The following ENTREP2 variants were observed in gnomAD, a reference collection of about 807,000 sequenced individuals.
The protein encoded by ENTREP2 is protein ENTREP2.
At chr15:29,157,858 T>C in the ENTREP2 span, among the ~76,000 whole-genome samples, 1 of 151,942 alleles carries the variant, frequency 6.6e-6, no homozygotes, top group Non-Finnish European at 1.5e-5. Context: ...GCCTCCCGAG[T>C]AGCTGGGATT....
chr15:29,428,556 C>T, the ENTREP2 span, among the ~76,000 whole-genome samples: 4 of 151,536 alleles, frequency 2.6e-5, no homozygotes. Flanking sequence ...CTGTCTTAAG[C>T]TCTTTTCCCA....
At chr15:29,336,171 T>C in the ENTREP2 span, among the ~76,000 whole-genome samples, 1 of 150,204 alleles carries the variant, frequency 6.7e-6, no homozygotes, top group Admixed American at 6.6e-5. Context: ...AATTCCTTGC[T>C]GGGACATAAA....
At chr15:29,260,602 C>T in the ENTREP2 span, among the ~76,000 whole-genome samples, 66 of 152,212 alleles carry the variant, frequency 4.3e-4, 1 homozygote, top group Non-Finnish European at 6.5e-4. Flanking sequence ...GAGACACGTG[C>T]CAAAATATTT....
chr15:29,353,276 G>GA, the ENTREP2 span, among the ~76,000 whole-genome samples: 4 of 152,132 alleles, frequency 2.6e-5, no homozygotes, highest in East Asian at 7.7e-4. Flanking sequence ...TGGGGATCCA[G>GA]AAAAAAAGAT....
chr15:29,161,053 T>C, the ENTREP2 span, among the ~76,000 whole-genome samples: 1 of 152,208 alleles, frequency 6.6e-6, no homozygotes, highest in Non-Finnish European at 1.5e-5. Flanking sequence ...TGCCTTGTGA[T>C]GGTAGACATT....
the ENTREP2 span, among the ~76,000 whole-genome samples, chr15:29,601,730 C>T: frequency 6.6e-6 from 1 of 151,916 alleles, no homozygotes; most frequent in Admixed American, 6.6e-5. Flanking sequence ...CCAATTTGAC[C>T]TTCTAATTAT....
At chr15:29,220,012 A>G in the ENTREP2 span, among the ~76,000 whole-genome samples, 1 of 152,138 alleles carries the variant, frequency 6.6e-6, no homozygotes, top group African/African-American at 2.4e-5. Context: ...TAACTTATGG[A>G]AAAATAAAAA....
At chr15:29,247,060 A>G in the ENTREP2 span, among the ~76,000 whole-genome samples, 2 of 152,188 alleles carry the variant, frequency 1.3e-5, no homozygotes, top group South Asian at 4.2e-4. Context: ...GCCCAGAATA[A>G]AAGATTGACT....
At chr15:29,581,960 T>A in the ENTREP2 span, among the ~76,000 whole-genome samples, 2 of 133,996 alleles carry the variant, frequency 1.5e-5, no homozygotes, top group Non-Finnish European at 1.6e-5. Flanking sequence ...TTTTTTTTTT[T>A]AGATAGAGGC....
the ENTREP2 span, among the ~76,000 whole-genome samples, chr15:29,455,725 C>T: frequency 6.6e-6 from 1 of 152,176 alleles, no homozygotes; most frequent in Non-Finnish European, 1.5e-5. Context: ...AGGAGGTGAG[C>T]AGTGGGCAAG....
the ENTREP2 span, among the ~76,000 whole-genome samples, chr15:29,133,545 C>T: frequency 6.6e-6 from 1 of 152,204 alleles, no homozygotes; most frequent in East Asian, 1.9e-4. Context: ...GCCAAGGCCA[C>T]CAGCAGCCCC....
chr15:29,171,732 G>A, the ENTREP2 span, among the ~76,000 whole-genome samples: 1 of 152,084 alleles, frequency 6.6e-6, no homozygotes, highest in Non-Finnish European at 1.5e-5. Context: ...TCCACGAGCT[G>A]TTTTCCTGGT....
the ENTREP2 span, among the ~76,000 whole-genome samples, chr15:29,224,775 G>T: frequency 6.6e-6 from 1 of 152,220 alleles, no homozygotes; most frequent in Non-Finnish European, 1.5e-5. Context: ...CTGCCTGCCA[G>T]TCCCCTGCTG....
the ENTREP2 span, among the ~76,000 whole-genome samples, chr15:29,276,347 G>A: frequency 6.6e-6 from 1 of 152,174 alleles, no homozygotes; most frequent in African/African-American, 2.4e-5. Context: ...TCTTGATAGT[G>A]GTCACTAAGA....
At chr15:29,600,760 C>T in the ENTREP2 span, among the ~76,000 whole-genome samples, 1 of 152,038 alleles carries the variant, frequency 6.6e-6, no homozygotes, top group Non-Finnish European at 1.5e-5. Context: ...GCATGAGCCA[C>T]CACACCCAGC....
chr15:29,295,506 G>A, the ENTREP2 span, among the ~76,000 whole-genome samples: 1 of 152,212 alleles, frequency 6.6e-6, no homozygotes, highest in Non-Finnish European at 1.5e-5. Flanking sequence ...GTGGATACGT[G>A]AAACTGCAGA....
the ENTREP2 span, among the ~76,000 whole-genome samples, chr15:29,509,355 C>T: frequency 6.6e-6 from 1 of 152,100 alleles, no homozygotes; most frequent in Admixed American, 6.6e-5. Context: ...CAATGCTATT[C>T]CCATCAAGCT....
the ENTREP2 span, among the ~76,000 whole-genome samples, chr15:29,378,487 T>C: frequency 6.6e-6 from 1 of 152,164 alleles, no homozygotes; most frequent in African/African-American, 2.4e-5. Context: ...GAGATTAAGT[T>C]TTAAGTAGAC....
At chr15:29,258,609 T>C in the ENTREP2 span, among the ~76,000 whole-genome samples, 1 of 152,204 alleles carries the variant, frequency 6.6e-6, no homozygotes, top group Non-Finnish European at 1.5e-5. Context: ...TTTATTCCCA[T>C]TTTTATGTGT....
Sources: allele counts gnomAD v4.1 joint callset (sites outside exome capture counted in the v4.1 genomes callset), GRCh38; gene constraint gnomAD v4.1.1; transcripts MANE v1.5; gene names NCBI Gene and HGNC (gene_info 2026-07-23, HGNC 2026-07-21).